Variants in HMBOX1 observed in about 807,000 individuals in gnomAD.
HMBOX1 encodes the protein homeobox containing 1.
HMBOX1 carries 14 observed loss-of-function variants against 54.5 expected under a neutral mutation model. That is an observed-to-expected ratio of 0.26 (90% CI 0.17 to 0.40). The LOEUF (loss-of-function observed/expected upper bound fraction) is 0.40. Among genes scored for constraint, HMBOX1 ranks in the 10% least tolerant of loss-of-function variants. The pLI is 1.00. For synonymous variants in HMBOX1, 160 were observed against 181.0 expected, an observed-to-expected ratio of 0.88 and a Z score of 0.93; for missense variants, 332 against 514.4, an observed-to-expected ratio of 0.65 and a Z score of 3.43.
chr8:28,940,400 T>C lies in HMBOX1; in HGVS notation c.-57-23411T>C, dbSNP rs146211077. On this transcript the variant is annotated intron_variant, in intron 1 of 9. Transcript: ENST00000287701. Reference sequence around the variant, plus strand: ...CCAACCTCTCTGACAAAGTCAACTCTCCCACATTATATGCTCTCATAGCAC... The same window carrying C: ...CCAACCTCTCTGACAAAGTCAACTCCCCCACATTATATGCTCTCATAGCAC... Among the ~76,000 whole-genome samples, 270 of 152,338 alleles carry C rather than the reference T, an allele frequency of 1.8e-3. 1 individual carries two copies. The highest frequency in any genetic ancestry group is 6.3e-3 in the African/African-American group (261 of 41,568).
At chr8:28,911,941 C>T (rs1455378770) in intron 1 of HMBOX1, among the ~76,000 whole-genome samples, 1 of 152,136 alleles carries the variant, frequency 6.6e-6, no homozygotes, top group African/African-American at 2.4e-5. Context: ...AAGTGATATG[C>T]ATTCAGTAAA....
chr8:28,900,096 A>G (rs1812912563), intron 1 of HMBOX1, among the ~76,000 whole-genome samples: 1 of 151,460 alleles, frequency 6.6e-6, no homozygotes, highest in East Asian at 1.9e-4. Flanking sequence ...TAAAAATACT[A>G]AAACATTAGC....
intron 1 of HMBOX1, among the ~76,000 whole-genome samples, chr8:28,903,120 CACAT>C (rs1452786688): frequency 2.0e-5 from 3 of 152,100 alleles, no homozygotes; most frequent in Non-Finnish European, 2.9e-5. Context: ...CACACACACA[CACAT>C]ACATTTAAGC....
At chr8:28,890,219 C>T (rs1013408315), upstream of HMBOX1, 3 of 236,160 alleles carry the variant, frequency 1.3e-5, no homozygotes, top group Non-Finnish European at 1.7e-5. Context: ...GATGTGTAGT[C>T]CCGACGGCTC....
In HMBOX1 at chr8:29,051,007, T is replaced by C; in HGVS notation, c.1126-11T>C. ...ATCCACTAATAACATTTCTTATTTC[T>C]GCACATCTAGGATGACAGTACGAGC... On this transcript the variant is annotated splice_polypyrimidine_tract_variant and intron_variant, in intron 9 of 9. Transcript: ENST00000287701. 1.2e-6 allele frequency: 2 copies of C among 1,607,006 alleles called. No individual in the cohort carries two copies. The highest frequency in any genetic ancestry group is 2.2e-5 in the East Asian group (1 of 44,838).
intron 3 of HMBOX1, among the ~76,000 whole-genome samples, chr8:28,973,813 T>TTTTTTTG (rs1827887061): frequency 2.9e-5 from 1 of 35,030 alleles, no homozygotes; most frequent in Middle Eastern, 0.013. Flanking sequence ...GTTTTTTTTT[T>TTTTTTTG]TTTTTTTTTT....
chr8:28,910,884 T>C (rs1042174981), intron 1 of HMBOX1, among the ~76,000 whole-genome samples: 1 of 152,218 alleles, frequency 6.6e-6, no homozygotes, highest in African/African-American at 2.4e-5. Context: ...TTCATGCTCA[T>C]TTTAAAGAAT....
At chr8:28,924,418 G>C (rs1818082614) in intron 1 of HMBOX1, among the ~76,000 whole-genome samples, 1 of 144,942 alleles carries the variant, frequency 6.9e-6, no homozygotes. Flanking sequence ...CTGCACATAA[G>C]TTTTTAATTT....
intron 2 of HMBOX1, among the ~76,000 whole-genome samples, chr8:28,969,719 A>C (rs892586950): frequency 6.6e-6 from 1 of 152,204 alleles, no homozygotes; most frequent in African/African-American, 2.4e-5. Context: ...GCCTGGGCTT[A>C]TTGCACTCCA....
At chr8:29,023,807 G>A (rs1313479417) in intron 6 of HMBOX1, among the ~76,000 whole-genome samples, 2 of 152,106 alleles carry the variant, frequency 1.3e-5, no homozygotes, top group East Asian at 3.9e-4. Flanking sequence ...TTAGAGCATT[G>A]ATTATTAAAT....
chr8:28,960,820 C>G (rs1201949382), intron 1 of HMBOX1, among the ~76,000 whole-genome samples: 2 of 107,946 alleles, frequency 1.9e-5, no homozygotes, highest in Non-Finnish European at 1.7e-5. Context: ...CGGAGTCTTG[C>G]TCTGTCGCCA....
At chr8:28,890,134 G>T, upstream of HMBOX1, 2 of 535,604 alleles carry the variant, frequency 3.7e-6, no homozygotes, top group Non-Finnish European at 6.8e-6. Flanking sequence ...CATCCCAGCC[G>T]CCAATGCATC....
intron 1 of HMBOX1, among the ~76,000 whole-genome samples, chr8:28,917,332 G>C (rs1398430943): frequency 2.0e-5 from 3 of 151,872 alleles, no homozygotes; most frequent in African/African-American, 7.3e-5. Context: ...TATTATAAAT[G>C]GTATATTTTT....
At chr8:28,975,903 G>T (rs994824518) in intron 3 of HMBOX1, among the ~76,000 whole-genome samples, 4 of 152,134 alleles carry the variant, frequency 2.6e-5, no homozygotes, top group African/African-American at 9.7e-5. Context: ...TGATTTCATA[G>T]ATTACAATGA....
chr8:28,973,814 T>TG (rs1827894074), intron 3 of HMBOX1, among the ~76,000 whole-genome samples: 1 of 20,446 alleles, frequency 4.9e-5, no homozygotes, highest in Non-Finnish European at 1.5e-4. Context: ...TTTTTTTTTT[T>TG]TTTTTTTTTT....
At chr8:28,952,209 A>C (rs933924083) in intron 1 of HMBOX1, among the ~76,000 whole-genome samples, 1 of 151,736 alleles carries the variant, frequency 6.6e-6, no homozygotes, top group African/African-American at 2.4e-5. Flanking sequence ...ACCATATCCA[A>C]CTGGAATCAG....
chr8:28,983,025 C>A (rs1281172711), intron 4 of HMBOX1, among the ~76,000 whole-genome samples: 1 of 152,090 alleles, frequency 6.6e-6, no homozygotes. Flanking sequence ...GCTATCATCT[C>A]CTGTTTTCGC....
intron 6 of HMBOX1, among the ~76,000 whole-genome samples, chr8:29,041,055 AAAC>A: frequency 6.6e-6 from 1 of 152,346 alleles, no homozygotes; most frequent in Admixed American, 6.5e-5. Context: ...ATTGATCATT[AAAC>A]GAGTTCTTAA....
chr8:28,931,904 G>A (rs900117514), intron 1 of HMBOX1, among the ~76,000 whole-genome samples: 2 of 152,188 alleles, frequency 1.3e-5, no homozygotes, highest in African/African-American at 4.8e-5. Context: ...GCCAGGCACT[G>A]TGTAAGATCC....
Sources: allele counts gnomAD v4.1 joint callset (sites outside exome capture counted in the v4.1 genomes callset), GRCh38; gene constraint gnomAD v4.1.1; transcripts MANE v1.5; gene names NCBI Gene and HGNC (gene_info 2026-07-23, HGNC 2026-07-21).